The following PLCL1 variants were observed in gnomAD, a reference collection of about 807,000 sequenced individuals.
The protein encoded by PLCL1 is phospholipase C like 1 (inactive).
In PLCL1, 41 loss-of-function variants were observed where a neutral mutation model predicts 84.4. The observed-to-expected ratio is 0.49, with a 90% CI of 0.38 to 0.63. The LOEUF (loss-of-function observed/expected upper bound fraction) is 0.63. PLCL1 is among the 30% of genes least tolerant of loss of function. PLCL1 has a pLI of 0.00. For synonymous variants in PLCL1, 490 were observed against 488.3 expected, an observed-to-expected ratio of 1.00 and a Z score of -0.05; for missense variants, 1,206 against 1,367.8, an observed-to-expected ratio of 0.88 and a Z score of 1.87.
At chr2:197,824,604 C>T (rs1470857591) in intron 1 of PLCL1, among the ~76,000 whole-genome samples, 1 of 151,074 alleles carries the variant, frequency 6.6e-6, no homozygotes, top group Non-Finnish European at 1.5e-5. Context: ...GCTCCATTTA[C>T]TCTGGAGGCT....
At chr2:198,141,668 T>C (rs1475357801) in intron 5 of PLCL1, among the ~76,000 whole-genome samples, 1 of 152,152 alleles carries the variant, frequency 6.6e-6, no homozygotes, top group Non-Finnish European at 1.5e-5. Context: ...CCCTCCACAG[T>C]ATGGTCCATC....
At chr2:197,979,291 CTT>C (rs970009405) in intron 1 of PLCL1, among the ~76,000 whole-genome samples, 2 of 152,170 alleles carry the variant, frequency 1.3e-5, no homozygotes, top group Admixed American at 6.5e-5. Context: ...TTGTTTTTGT[CTT>C]TTTGGTTTTG....
At chr2:198,002,822 G>A (rs1381457592) in intron 1 of PLCL1, among the ~76,000 whole-genome samples, 1 of 152,162 alleles carries the variant, frequency 6.6e-6, no homozygotes, top group Non-Finnish European at 1.5e-5. Context: ...GTACCATAAG[G>A]TACTGCTGTA....
chr2:197,918,619 A>G (rs1364645749), intron 1 of PLCL1, among the ~76,000 whole-genome samples: 3 of 152,064 alleles, frequency 2.0e-5, no homozygotes, highest in African/African-American at 7.2e-5. Flanking sequence ...TTAAAAGAAG[A>G]TTTTTAACAA....
intron 5 of PLCL1, among the ~76,000 whole-genome samples, chr2:198,104,992 A>G (rs1693439814): frequency 6.6e-6 from 1 of 151,966 alleles, no homozygotes; most frequent in Non-Finnish European, 1.5e-5. Flanking sequence ...CTGTCTTGAT[A>G]GTTTCTTTTG....
chr2:198,022,736 A>G (rs1027163660), intron 1 of PLCL1, among the ~76,000 whole-genome samples: 9 of 152,220 alleles, frequency 5.9e-5, no homozygotes, highest in Admixed American at 5.2e-4. Flanking sequence ...CCACTGCTCA[A>G]GGAAATAAGA....
rs1239310214 is a variant in PLCL1 at position 197,967,319 on chromosome 2, C to T, written c.241-116439C>T. 3.3e-5 allele frequency among the ~76,000 whole-genome samples: 5 copies of T among 152,280 alleles called. No homozygotes were observed. In the South Asian group the frequency reaches 8.3e-4, roughly 25 times the overall value. ...TCAAGCAATTCTCCTGCCTCAGCCTCCAGGATAGCTGGGATTATAGGCACG... is the reference window on the plus strand; with the variant it reads ...TCAAGCAATTCTCCTGCCTCAGCCTTCAGGATAGCTGGGATTATAGGCACG... On this transcript the variant is annotated intron_variant, in intron 1 of 5. Coordinates refer to ENST00000428675, the MANE Select transcript of PLCL1 (RefSeq NM_006226.4).
chr2:198,072,156 G>A (rs1692479581), intron 1 of PLCL1, among the ~76,000 whole-genome samples: 2 of 151,634 alleles, frequency 1.3e-5, no homozygotes, highest in Admixed American at 6.6e-5. Context: ...TTAACTTTAA[G>A]TGAAATAAAA....
intron 1 of PLCL1, among the ~76,000 whole-genome samples, chr2:198,031,967 T>A (rs949276951): frequency 1.3e-5 from 2 of 152,176 alleles, no homozygotes; most frequent in Non-Finnish European, 2.9e-5. Flanking sequence ...TAGATTTTTG[T>A]TATTCTTCAT....
Position 197,941,417 on chromosome 2 carries a change from A to G in PLCL1, c.240+136078A>G, listed in dbSNP as rs138260225. On this transcript the variant is annotated intron_variant, in intron 1 of 5. Coordinates refer to ENST00000428675, the MANE Select transcript of PLCL1 (RefSeq NM_006226.4). Reference sequence around the variant, plus strand: ...AGCAATTTTCCCACCTTAGCCTCCCAAGTAGCTGGGGCTGCAGATGTGTGA... The same window carrying G: ...AGCAATTTTCCCACCTTAGCCTCCCGAGTAGCTGGGGCTGCAGATGTGTGA... Among the ~76,000 whole-genome samples, 98 of 151,908 alleles carry G rather than the reference A, an allele frequency of 6.5e-4. 1 individual carries two copies. Among genetic ancestry groups the G allele is most frequent in the African/African-American group, 2.4e-3 (98 of 41,426 alleles).
At chr2:197,842,189 G>T (rs1377248028) in intron 1 of PLCL1, among the ~76,000 whole-genome samples, 1 of 151,922 alleles carries the variant, frequency 6.6e-6, no homozygotes, top group Non-Finnish European at 1.5e-5. Flanking sequence ...TAGCCTACCT[G>T]CCCCTTACAT....
chr2:198,020,735 C>T (rs556985744), intron 1 of PLCL1, among the ~76,000 whole-genome samples: 49 of 152,226 alleles, frequency 3.2e-4, no homozygotes, highest in Middle Eastern at 3.4e-3. Context: ...CAGGAGCACC[C>T]AGATTCATAA....
chr2:197,944,273 T>C (rs1354653762), intron 1 of PLCL1, among the ~76,000 whole-genome samples: 2 of 152,172 alleles, frequency 1.3e-5, no homozygotes, highest in East Asian at 3.9e-4. Flanking sequence ...CTCAGTTTCC[T>C]GTCAGGGGAA....
intron 1 of PLCL1, among the ~76,000 whole-genome samples, chr2:197,840,985 A>C (rs1559021555): frequency 6.6e-6 from 1 of 152,202 alleles, no homozygotes; most frequent in Non-Finnish European, 1.5e-5. Context: ...AAATTTCTTC[A>C]ACACTTCAGG....
At chr2:197,907,247 C>CT (rs879939963) in intron 1 of PLCL1, among the ~76,000 whole-genome samples, 3,313 of 146,476 alleles carry the variant, frequency 0.023, 114 homozygotes, top group African/African-American at 0.078. Flanking sequence ...CTTTTTCTTT[C>CT]TTTTTTTTTT....
chr2:197,863,256 GA>G (rs1687467504), intron 1 of PLCL1, among the ~76,000 whole-genome samples: 1 of 151,600 alleles, frequency 6.6e-6, no homozygotes, highest in South Asian at 2.1e-4. Flanking sequence ...TGAATGTGAT[GA>G]AAAGGCTTGA....
intron 1 of PLCL1, among the ~76,000 whole-genome samples, chr2:198,062,008 T>C (rs1356451803): frequency 1.3e-5 from 2 of 152,190 alleles, no homozygotes. Context: ...ACGGCAGTGG[T>C]TGGACTTTAA....
intron 1 of PLCL1, among the ~76,000 whole-genome samples, chr2:198,074,633 C>T (rs1017615015): frequency 3.9e-5 from 6 of 152,028 alleles, no homozygotes; most frequent in African/African-American, 9.7e-5. Flanking sequence ...AGCGAGACTC[C>T]GTCTCAAAAA....
chr2:197,806,832 C>A (rs1690496210), intron 1 of PLCL1, among the ~76,000 whole-genome samples: 1 of 151,950 alleles, frequency 6.6e-6, no homozygotes, highest in Admixed American at 6.6e-5. Context: ...CAATAAAGAG[C>A]AAACGGCTCT....
Sources: allele counts gnomAD v4.1 joint callset (sites outside exome capture counted in the v4.1 genomes callset), GRCh38; gene constraint gnomAD v4.1.1; transcripts MANE v1.5; gene names NCBI Gene and HGNC (gene_info 2026-07-23, HGNC 2026-07-21).